FREM1: variants seen among roughly 807,000 people sequenced by gnomAD.
The protein encoded by FREM1 is FRAS1-related extracellular matrix protein 1.
FREM1 carries 220 observed loss-of-function variants against 210.1 expected under a neutral mutation model. The observed-to-expected ratio is 1.05, with a 90% confidence interval of 0.94 to 1.17. The LOEUF (loss-of-function observed/expected upper bound fraction) is 1.17, where lower values mean the gene tolerates loss of function less well. Ranked by LOEUF, FREM1 falls within the 50% of genes most tolerant of loss-of-function variation. The pLI, the probability that FREM1 is intolerant of heterozygous loss-of-function variation, is 0.00. For missense variants in FREM1, 3,454 were observed against 2,675.5 expected (o/e 1.29, Z -6.42); for synonymous variants, 1,189 against 980.2 (o/e 1.21, Z -3.98).
At chr9:14,855,078 T>C (rs1278748641) in intron 5 of FREM1, among the ~76,000 whole-genome samples, 4 of 152,018 alleles carry the variant, frequency 2.6e-5, no homozygotes, top group Non-Finnish European at 1.5e-5. Flanking sequence ...ATTATATTTA[T>C]TTGGAACTAA....
intron 3 of FREM1, among the ~76,000 whole-genome samples, chr9:14,862,591 T>C (rs148314454): frequency 6.6e-6 from 1 of 152,278 alleles, no homozygotes; most frequent in African/African-American, 2.4e-5. Flanking sequence ...TGTACAACCA[T>C]CATGACTACC....
At chr9:14,862,794 G>A (rs1457099310) in intron 3 of FREM1, among the ~76,000 whole-genome samples, 1 of 152,110 alleles carries the variant, frequency 6.6e-6, no homozygotes, top group Non-Finnish European at 1.5e-5. Flanking sequence ...GTTCATTCAT[G>A]CTGTAGCCTT....
At chr9:14,779,811 C>T (rs1849360778) in intron 24 of FREM1, among the ~76,000 whole-genome samples, 1 of 152,212 alleles carries the variant, frequency 6.6e-6, no homozygotes. Context: ...ACCAAGGCAG[C>T]TGTCAGTGCT....
intron 24 of FREM1, chr9:14,779,599 G>A: frequency 2.6e-6 from 1 of 381,912 alleles, no homozygotes; most frequent in Non-Finnish European, 3.6e-6. Flanking sequence ...TACTCGATGC[G>A]TGCATGGCCT....
chr9:14,780,545 T>C (rs1024634103), intron 24 of FREM1, among the ~76,000 whole-genome samples: 1 of 151,860 alleles, frequency 6.6e-6, no homozygotes, highest in Non-Finnish European at 1.5e-5. Context: ...CTCGGTGTCA[T>C]CTGTCCTAGA....
intron 27 of FREM1, among the ~76,000 whole-genome samples, chr9:14,765,141 T>C (rs1436579227): frequency 1.3e-5 from 2 of 152,158 alleles, no homozygotes; most frequent in Non-Finnish European, 2.9e-5. Flanking sequence ...CAAGAATTCC[T>C]GAAAATGTTA....
chr9:14,758,376 A>G (rs760806093), intron 28 of FREM1, among the ~76,000 whole-genome samples: 3 of 152,164 alleles, frequency 2.0e-5, no homozygotes, highest in Non-Finnish European at 4.4e-5. Context: ...GGTGCTTTCT[A>G]TGGAGGACGG....
At chr9:14,787,682 C>T (rs1850629587) in intron 23 of FREM1, among the ~76,000 whole-genome samples, 1 of 152,162 alleles carries the variant, frequency 6.6e-6, no homozygotes, top group Non-Finnish European at 1.5e-5. Context: ...CCCTAGATGA[C>T]TATGTGGAAC....
chr9:14,818,722 T>C (rs1173711524), intron 14 of FREM1, among the ~76,000 whole-genome samples: 1 of 152,146 alleles, frequency 6.6e-6, no homozygotes, highest in Non-Finnish European at 1.5e-5. Context: ...GAGACTCAAG[T>C]ATTAGTTTAC....
At position 14,770,702 on chromosome 9, in the gene FREM1, G is replaced by A. The variant is rs750316161; in HGVS notation, c.4962C>T (p.Arg1654=). ...NGCYGIYITS[R]VLKASDPDTE... ...TGTCAGGGTCTGATGCCTTCAACAC[G>A]CGGGAAGTGATGTAAATCCCGTAGC... The change falls in exon 26 of 37, where the codon CGC becomes CGT. Residue 1654 remains arginine, a synonymous_variant. Coordinates refer to ENST00000380880, the MANE Select transcript of FREM1 (RefSeq NM_001379081.2). 148 of 1,612,990 alleles carry A rather than the reference G, an allele frequency of 9.2e-5. 2 individuals are homozygous for A. The South Asian group carries it at 1.6e-3, about 17-fold the overall frequency.
At position 14,746,487 on chromosome 9, in the gene FREM1, T is replaced by C; in HGVS notation, c.6139-19A>G. 1.3e-6 allele frequency: 2 copies of C among 1,579,346 alleles called. No individual in the cohort carries two copies. Among genetic ancestry groups the C allele is most frequent in the Non-Finnish European group, 1.7e-6 (2 of 1,148,500 alleles). On this transcript the variant is annotated intron_variant, in intron 34 of 36. Coordinates refer to ENST00000380880, the MANE Select transcript of FREM1 (RefSeq NM_001379081.2). Reference sequence around the variant, plus strand: ...CCACATCCTGAAAAACAGTTGTCTGTGTTCATATCATAATGGTCTTTACAA... The same window carrying C: ...CCACATCCTGAAAAACAGTTGTCTGCGTTCATATCATAATGGTCTTTACAA...
chr9:14,886,621 G>C (rs145062614), intron 1 of FREM1, among the ~76,000 whole-genome samples: 2 of 151,504 alleles, frequency 1.3e-5, no homozygotes, highest in African/African-American at 2.4e-5. Flanking sequence ...AATGTACAGG[G>C]GCGGTGGCTC....
intron 13 of FREM1, 88 bp downstream of exon 13, chr9:14,823,072 C>T: frequency 2.0e-6 from 2 of 1,004,892 alleles, no homozygotes; most frequent in Non-Finnish European, 2.8e-6. Flanking sequence ...AAAAACTAGC[C>T]TAAAGGAAAG....
At chr9:14,832,351 T>C (rs9792613) in intron 10 of FREM1, among the ~76,000 whole-genome samples, 109,427 of 151,794 alleles carry the variant, frequency 0.72, 39,666 homozygotes, top group Middle Eastern at 0.78. Context: ...TATTTGACCG[T>C]ACACAGAGTT....
chr9:14,773,983 A>G, intron 25 of FREM1: 1 of 457,356 alleles, frequency 2.2e-6, no homozygotes, highest in Non-Finnish European at 4.3e-6. Context: ...ACACTAACAG[A>G]CTGAAAAGGG....
intron 25 of FREM1, among the ~76,000 whole-genome samples, chr9:14,771,308 T>C (rs1847528564): frequency 6.6e-6 from 1 of 152,162 alleles, no homozygotes; most frequent in Non-Finnish European, 1.5e-5. Flanking sequence ...GAAATTTTTT[T>C]GGCATGTCTT....
rs551639605 is a variant in FREM1, at chr9:14,864,506, T to C, written c.235-603A>G. The stretch of plus-strand genomic sequence containing the variant: ...AAAACTGCTTTCATTAGTTAGGCAA[T>C]AGCAGAAATGGCAGATGAGAAAAAC... On this transcript the variant is annotated intron_variant, in intron 2 of 36. Transcript: ENST00000380880. 2.6e-5 allele frequency among the ~76,000 whole-genome samples: 4 copies of C among 152,346 alleles called. No individual in the cohort carries two copies. In the East Asian group the frequency reaches 7.7e-4, roughly 29 times the overall value.
chr9:14,806,502 T>C (rs1818398656), intron 18 of FREM1, among the ~76,000 whole-genome samples, 159 bp downstream of exon 18: 1 of 152,026 alleles, frequency 6.6e-6, no homozygotes, highest in East Asian at 1.9e-4. Flanking sequence ...GACCTGCCCA[T>C]CTCGGCCTCC....
chr9:14,747,555 A>G (rs1842693104), intron 32 of FREM1, 126 bp downstream of exon 32: 2 of 1,084,796 alleles, frequency 1.8e-6, no homozygotes, highest in East Asian at 5.4e-5. Context: ...CTGAACACCC[A>G]AGCCTCTAAT....
Sources: allele counts gnomAD v4.1 joint callset (sites outside exome capture counted in the v4.1 genomes callset), GRCh38; gene constraint gnomAD v4.1.1; transcripts MANE v1.5; gene names NCBI Gene and HGNC (gene_info 2026-07-23, HGNC 2026-07-21).